The following DLGAP4 variants were observed in gnomAD, a reference collection of about 807,000 sequenced individuals.
DLGAP4 encodes the protein disks large-associated protein 4.
DLGAP4 carries 18 observed loss-of-function variants against 86.9 expected under a neutral mutation model. The ratio of observed to expected loss-of-function variants is 0.21; its 90% CI spans 0.14 to 0.31. DLGAP4 has a LOEUF of 0.31. Among genes scored for constraint, DLGAP4 ranks in the 10% least tolerant of loss-of-function variants. DLGAP4 has a pLI of 1.00. For synonymous variants in DLGAP4, 548 were observed against 574.3 expected, an observed-to-expected ratio of 0.95 and a Z score of 0.65; for missense variants, 1,085 against 1,362.6, an observed-to-expected ratio of 0.80 and a Z score of 3.21.
At chr20:36,341,382 G>A (rs145370895) in intron 1 of DLGAP4, among the ~76,000 whole-genome samples, 35 of 152,208 alleles carry the variant, frequency 2.3e-4, no homozygotes, top group East Asian at 1.7e-3. Context: ...AGAGCTCAGC[G>A]TCCTCATCTG....
chr20:36,474,469 C>T (rs2034819852), intron 7 of DLGAP4, among the ~76,000 whole-genome samples: 1 of 152,188 alleles, frequency 6.6e-6, no homozygotes, highest in Admixed American at 6.5e-5. Context: ...GGGCAGTTTC[C>T]TACTGGGGGC....
At chr20:36,390,742 A>C (rs2031758080) in intron 2 of DLGAP4, among the ~76,000 whole-genome samples, 1 of 152,140 alleles carries the variant, frequency 6.6e-6, no homozygotes, top group East Asian at 1.9e-4. Context: ...CACTTGAGGA[A>C]TCCTGGATAC....
At chr20:36,417,783 T>TGTTG (rs1555900261) in intron 2 of DLGAP4, among the ~76,000 whole-genome samples, 1 of 150,794 alleles carries the variant, frequency 6.6e-6, no homozygotes, top group Non-Finnish European at 1.5e-5. Flanking sequence ...GTTTTTTTTT[T>TGTTG]TTGTTGTTGT....
At chr20:36,325,018 T>C (rs557117641) in intron 1 of DLGAP4, among the ~76,000 whole-genome samples, 2 of 152,186 alleles carry the variant, frequency 1.3e-5, no homozygotes, top group South Asian at 2.1e-4. Context: ...TTTCTTTTTC[T>C]AGTTTTGTTT....
intron 1 of DLGAP4, among the ~76,000 whole-genome samples, chr20:36,320,309 C>T (rs1442504807): frequency 6.6e-6 from 1 of 151,822 alleles, no homozygotes; most frequent in Non-Finnish European, 1.5e-5. Flanking sequence ...CCCAGCCCCA[C>T]CCCGTGTCCC....
At chr20:36,485,777 T>G (rs1217512600) in intron 7 of DLGAP4, among the ~76,000 whole-genome samples, 2 of 152,222 alleles carry the variant, frequency 1.3e-5, no homozygotes, top group African/African-American at 4.8e-5. Context: ...TCCGTAATGA[T>G]TCTTTTAAAT....
intron 1 of DLGAP4, among the ~76,000 whole-genome samples, chr20:36,366,642 G>A (rs552236322): frequency 6.6e-5 from 10 of 152,274 alleles, no homozygotes; most frequent in South Asian, 2.1e-4. Context: ...GTGTCACCCC[G>A]CATGTGAGAG....
At chr20:36,481,471 C>G (rs1006998876) in intron 7 of DLGAP4, among the ~76,000 whole-genome samples, 5 of 152,216 alleles carry the variant, frequency 3.3e-5, no homozygotes, top group African/African-American at 7.2e-5. Context: ...ATATGTGTCA[C>G]ACGCCCCGTT....
At chr20:36,330,049 GAC>G (rs1336460670) in intron 1 of DLGAP4, among the ~76,000 whole-genome samples, 1 of 149,242 alleles carries the variant, frequency 6.7e-6, no homozygotes, top group Non-Finnish European at 1.5e-5. Context: ...AAGACTGAAA[GAC>G]ACACACCATA....
intron 10 of DLGAP4, among the ~76,000 whole-genome samples, chr20:36,517,668 T>C: frequency 6.6e-6 from 1 of 152,172 alleles, no homozygotes; most frequent in East Asian, 1.9e-4. Flanking sequence ...ACTCACTGGT[T>C]TGTCTTAGCC....
intron 7 of DLGAP4, among the ~76,000 whole-genome samples, chr20:36,485,241 C>T (rs1298514579): frequency 6.6e-6 from 1 of 151,082 alleles, no homozygotes; most frequent in Non-Finnish European, 1.5e-5. Flanking sequence ...ATGAGCCAGG[C>T]ATGATGGAGC....
chr20:36,454,366 C>A (rs1442183669), intron 7 of DLGAP4, among the ~76,000 whole-genome samples: 1 of 152,092 alleles, frequency 6.6e-6, no homozygotes, highest in Admixed American at 6.6e-5. Flanking sequence ...TCCTTTACTT[C>A]CATTTGCCAG....
intron 1 of DLGAP4, among the ~76,000 whole-genome samples, chr20:36,316,225 G>A (rs1408411992): frequency 6.6e-6 from 1 of 152,182 alleles, no homozygotes; most frequent in Non-Finnish European, 1.5e-5. Flanking sequence ...CGCAGGTTAA[G>A]TAACCACATC....
At position 36,306,482 on chromosome 20, in the gene DLGAP4, G is replaced by C. The variant is rs1418241261; in HGVS notation, c.-334G>C. 4 of 150,568 alleles carry C rather than the reference G, an allele frequency of 2.7e-5. No individual in the cohort carries two copies. Among genetic ancestry groups the C allele is most frequent in the Non-Finnish European group, 5.9e-5 (4 of 67,304 alleles). 9.3% of individuals were successfully genotyped at this position (150,568 alleles called of 1,614,324 possible). A position where few individuals can be genotyped will look rare whatever the true frequency, so the allele number is the denominator to read the frequency against. On this transcript the variant is annotated 5_prime_UTR_variant, in exon 1 of 13. Coordinates refer to ENST00000339266, the MANE Select transcript of DLGAP4 (RefSeq NM_001365621.2). This position sits in a 1 kb window ranked among gnomAD's most constrained non-coding sequence, Gnocchi z 4.9. ...CGGCGGCGCAGCGGAACGGCAGAGC[G>C]GGCCGGAGGCGGCCGAGGCGCCCGG...
chr20:36,524,355 TC>T lies in DLGAP4; in HGVS notation c.2604+16del. On this transcript the variant is annotated intron_variant, in intron 11 of 12. Coordinates refer to ENST00000339266, the MANE Select transcript of DLGAP4 (RefSeq NM_001365621.2). The stretch of plus-strand genomic sequence containing the variant: ...GAGCAAAACTTGGTGAGTGTGATTC[TC>T]CTTCCTCCACAGCAGGGCTTCCAGC... The T allele has an allele frequency of 6.2e-7, 1 of 1,607,484 alleles. No homozygotes were observed. The highest frequency in any genetic ancestry group is 1.3e-5 in the African/African-American group (1 of 74,910).
rs550440791 is a variant in DLGAP4 at position 36,412,657 on chromosome 20, CCAAA to C, written c.-72-18984_-72-18981del. ...TGATTGGAGGATTCAAAAAGATCAT[CCAAA>C]CAAAGTGCTTACGTGTATGTAGGAA... On this transcript the variant is annotated intron_variant, in intron 2 of 12. Transcript: ENST00000339266. 3.8e-4 allele frequency among the ~76,000 whole-genome samples: 58 copies of C among 152,288 alleles called. No individual in the cohort carries two copies. In the South Asian group the frequency reaches 0.011, roughly 30 times the overall value.
At chr20:36,488,692 C>A (rs1485296829) in intron 7 of DLGAP4, among the ~76,000 whole-genome samples, 1 of 152,014 alleles carries the variant, frequency 6.6e-6, no homozygotes, top group Non-Finnish European at 1.5e-5. Context: ...ATTCTCCCAC[C>A]TCAGCCTCCC....
rs1318768219 is a variant in DLGAP4, at chr20:36,471,054, T to C, written c.1648+24117T>C. Reference sequence around the variant, plus strand: ...TAAAATTTTGTCATGTATTTTTTAATTGCCTTCTTTTTCATTCTGAAAATG... The same window carrying C: ...TAAAATTTTGTCATGTATTTTTTAACTGCCTTCTTTTTCATTCTGAAAATG... On this transcript the variant is annotated intron_variant, in intron 7 of 12. Transcript: ENST00000339266. Among the ~76,000 whole-genome samples the C allele has an allele frequency of 8.5e-5, 13 of 152,328 alleles. No homozygotes were observed. In the East Asian group the frequency reaches 2.5e-3, roughly 29 times the overall value.
chr20:36,317,756 C>T (rs2065123904), intron 1 of DLGAP4, among the ~76,000 whole-genome samples: 1 of 152,044 alleles, frequency 6.6e-6, no homozygotes, highest in Non-Finnish European at 1.5e-5. Flanking sequence ...GAGCCCAGCA[C>T]TCTTGTGAGA....
Sources: gnomAD v4.1 joint callset for allele counts (sites outside exome capture counted in the v4.1 genomes callset) on GRCh38, gnomAD v4.1.1 for gene constraint, Gnocchi (gnomAD v3.1) non-coding constraint, MANE v1.5 for transcripts, NCBI Gene and HGNC (gene_info 2026-07-23, HGNC 2026-07-21) for gene names.